The following IKZF3 variants were observed in gnomAD, a reference collection of about 807,000 sequenced individuals.
IKZF3 encodes the protein IKAROS family zinc finger 3, also known as zinc finger protein Aiolos.
Under a neutral mutation model 49.0 loss-of-function variants are expected in IKZF3, and 10 were observed. The ratio of observed to expected loss-of-function variants is 0.20; its 90% CI spans 0.13 to 0.35. IKZF3 has a LOEUF of 0.35. IKZF3 is among the 10% of genes least tolerant of loss of function. The probability of loss-of-function intolerance (pLI) is 1.00; values close to 1 mark genes in which losing one functional copy is unlikely to be tolerated. For synonymous variants in IKZF3, 209 were observed against 228.2 expected (o/e 0.92, Z 0.76); for missense variants, 498 against 664.8 (o/e 0.75, Z 2.76).
At chr17:39,823,417 A>T (rs1313791527) in intron 3 of IKZF3, among the ~76,000 whole-genome samples, 1 of 152,202 alleles carries the variant, frequency 6.6e-6, no homozygotes, top group Non-Finnish European at 1.5e-5. Flanking sequence ...TGACAATGTG[A>T]TAGAAAAGAA....
intron 3 of IKZF3, among the ~76,000 whole-genome samples, chr17:39,811,405 AGAAAGGAAGGAAGAAAAGGAAGGAAG>A (rs936846121): frequency 2.0e-5 from 3 of 151,536 alleles, no homozygotes; most frequent in Non-Finnish European, 4.4e-5. Flanking sequence ...GACGGAAGGA[AGAAAGGAAGGAAGAAAAGGAAGGAAG>A]GAAAGGAAGG....
At chr17:39,860,480 G>A (rs572811178) in intron 1 of IKZF3, among the ~76,000 whole-genome samples, 91 of 152,188 alleles carry the variant, frequency 6.0e-4, no homozygotes, top group African/African-American at 2.1e-3. Context: ...GACTAATTGC[G>A]ATCCTGAAAT....
At chr17:39,796,866 G>A (rs1326257681) in intron 3 of IKZF3, among the ~76,000 whole-genome samples, 1 of 148,284 alleles carries the variant, frequency 6.7e-6, no homozygotes, top group African/African-American at 2.5e-5. Flanking sequence ...TTTCTAGACA[G>A]ATTTAAGACA....
At chr17:39,797,360 TCCTCAACACTACTGA>T (rs2061194223) in intron 3 of IKZF3, among the ~76,000 whole-genome samples, 1 of 151,908 alleles carries the variant, frequency 6.6e-6, no homozygotes, top group Non-Finnish European at 1.5e-5. Flanking sequence ...TTCTTTGTAA[TCCTCAACACTACTGA>T]CCACTCACCA....
intron 3 of IKZF3, among the ~76,000 whole-genome samples, chr17:39,819,386 A>G (rs2061750869): frequency 6.6e-6 from 1 of 152,244 alleles, no homozygotes; most frequent in Non-Finnish European, 1.5e-5. Flanking sequence ...CCACAGGCAC[A>G]GCTATCATTT....
chr17:39,806,590 G>A (rs957358316), intron 3 of IKZF3, among the ~76,000 whole-genome samples: 34 of 152,160 alleles, frequency 2.2e-4, no homozygotes, highest in Admixed American at 2.0e-3. Flanking sequence ...ACAATAAAGA[G>A]CGCTGGCAAG....
rs373296511 is a variant in IKZF3, at chr17:39,779,682, T to C, written c.710-1915A>G. ...TTTTTTTTTCTGTTCCACGGCCTTTTAAAAACGTAAAAATCCCTGTACACA... is the reference window on the plus strand; with the variant it reads ...TTTTTTTTTCTGTTCCACGGCCTTTCAAAAACGTAAAAATCCCTGTACACA... On this transcript the variant is annotated intron_variant, in intron 6 of 7. Transcript: ENST00000346872. Among the ~76,000 whole-genome samples, 240 of 151,260 alleles carry C rather than the reference T, an allele frequency of 1.6e-3. 2 individuals carry two copies. The highest frequency in any genetic ancestry group is 5.7e-3 in the African/African-American group (234 of 41,130).
intron 1 of IKZF3, among the ~76,000 whole-genome samples, chr17:39,860,957 C>T (rs546460037): frequency 6.6e-6 from 1 of 152,266 alleles, no homozygotes; most frequent in South Asian, 2.1e-4. Flanking sequence ...TTCAATTATA[C>T]AGTTTAAGTG....
At chr17:39,784,282 C>G (rs763257318) in intron 6 of IKZF3, among the ~76,000 whole-genome samples, 1 of 152,136 alleles carries the variant, frequency 6.6e-6, no homozygotes, top group Non-Finnish European at 1.5e-5. Flanking sequence ...AAAATGCAGT[C>G]CATGTTCTTC....
chr17:39,794,153 T>C (rs1598027408), intron 3 of IKZF3, among the ~76,000 whole-genome samples: 1 of 152,296 alleles, frequency 6.6e-6, no homozygotes, highest in East Asian at 1.9e-4. Context: ...AGCAGAGATG[T>C]TTTTGGTCAT....
intron 6 of IKZF3, chr17:39,778,030 T>C (rs566135776): frequency 1.8e-6 from 2 of 1,121,240 alleles, no homozygotes; most frequent in East Asian, 1.1e-4. Context: ...CAAGAGGAAG[T>C]ATTAAATAAA....
intron 1 of IKZF3, among the ~76,000 whole-genome samples, chr17:39,863,128 A>T (rs918571304): frequency 6.6e-5 from 10 of 152,196 alleles, no homozygotes; most frequent in Non-Finnish European, 1.5e-4. Flanking sequence ...AACCTTTGTT[A>T]AAAATTACAC....
intron 7 of IKZF3, among the ~76,000 whole-genome samples, 190 bp downstream of exon 7, chr17:39,777,461 G>A (rs1277054175): frequency 1.3e-5 from 2 of 152,302 alleles, no homozygotes; most frequent in African/African-American, 4.8e-5. Context: ...TCATGATGAT[G>A]CTTTAGTTAA....
rs2060250238 is a variant in IKZF3 at position 39,764,725 on chromosome 17, C to T, written c.*1065G>A. Reference sequence around the variant, plus strand: ...AAGCCTGCCTGATCAAGGAGAACCTCTCAATAGAGGTGTCCCTCCTCACCC... The same window carrying T: ...AAGCCTGCCTGATCAAGGAGAACCTTTCAATAGAGGTGTCCCTCCTCACCC... On this transcript the variant is annotated 3_prime_UTR_variant, in exon 8 of 8. Transcript: ENST00000346872. 1 of 152,198 alleles carries T rather than the reference C, an allele frequency of 6.6e-6. No individual in the cohort carries two copies. The highest frequency in any genetic ancestry group is 2.4e-5 in the African/African-American group (1 of 41,444). 9.4% of individuals were successfully genotyped at this position (152,198 alleles called of 1,614,324 possible).
chr17:39,789,989 A>C (rs2060977636), intron 5 of IKZF3, among the ~76,000 whole-genome samples: 1 of 152,190 alleles, frequency 6.6e-6, no homozygotes, highest in African/African-American at 2.4e-5. Context: ...TCACCCATAC[A>C]ATTCATGCAA....
chr17:39,765,661 G>A lies in IKZF3; in HGVS notation c.*129C>T. 1 of 663,576 alleles carries A rather than the reference G, an allele frequency of 1.5e-6. No homozygotes were observed. Among genetic ancestry groups the A allele is most frequent in the East Asian group, 2.7e-5 (1 of 37,320 alleles). 41.1% of individuals were successfully genotyped at this position (663,576 alleles called of 1,614,324 possible). On this transcript the variant is annotated 3_prime_UTR_variant, in exon 8 of 8. Coordinates refer to ENST00000346872, the MANE Select transcript of IKZF3 (RefSeq NM_012481.5). ...ACAGTGTTTCCCTGGCTACCCCTGT[G>A]AACACAGCTAAAAATGGTATGAAAA... is the stretch of plus-strand genomic sequence containing the variant.
rs1437440014 is a variant in IKZF3, at chr17:39,761,586, AAT to A, written c.*4202_*4203del. The A allele has an allele frequency of 3.3e-5, 5 of 152,098 alleles. No individual in the cohort carries two copies. The highest frequency in any genetic ancestry group is 1.2e-4 in the African/African-American group (5 of 41,360). 9.4% of individuals were successfully genotyped at this position (152,098 alleles called of 1,614,324 possible). ...TACATATATATACATATACAAAAAA[AAT>A]AAAAATAAATTAAAAAATTAAAAAA... On this transcript the variant is annotated 3_prime_UTR_variant, in exon 8 of 8. Transcript: ENST00000346872.
At chr17:39,791,379 A>T (rs760600517) in intron 5 of IKZF3, 37 bp downstream of exon 5, 1 of 1,604,462 alleles carries the variant, frequency 6.2e-7, no homozygotes, top group South Asian at 1.1e-5. Context: ...TGAGGAATGC[A>T]CTTCCTAGAC....
At chr17:39,788,023 A>T (rs111536507) in intron 6 of IKZF3, among the ~76,000 whole-genome samples, 2,686 of 152,286 alleles carry the variant, frequency 0.018, 30 homozygotes, top group Non-Finnish European at 0.027. Flanking sequence ...GTCTGTTAAA[A>T]TGTTACCTCG....
Sources: allele counts gnomAD v4.1 joint callset (sites outside exome capture counted in the v4.1 genomes callset), GRCh38; gene constraint gnomAD v4.1.1; transcripts MANE v1.5; gene names NCBI Gene and HGNC (gene_info 2026-07-23, HGNC 2026-07-21).